The following SENP5 variants were observed in gnomAD, a reference collection of about 807,000 sequenced individuals.
SENP5 encodes the protein sentrin-specific protease 5.
SENP5 carries 21 observed loss-of-function variants against 74.2 expected under a neutral mutation model. That is an observed-to-expected ratio of 0.28 (90% confidence interval 0.20 to 0.41). The LOEUF (loss-of-function observed/expected upper bound fraction) is 0.41, where lower values mean the gene tolerates loss of function less well. Among genes scored for constraint, SENP5 ranks in the 10% least tolerant of loss-of-function variants. SENP5 has a pLI of 1.00. For missense variants in SENP5, 717 were observed against 889.1 expected (o/e 0.81, Z 2.46); for synonymous variants, 311 against 312.7 (o/e 0.99, Z 0.06).
rs955387337 is a variant in SENP5, at chr3:196,934,629, T to C, written c.*3706T>C. On this transcript the variant is annotated 3_prime_UTR_variant, in exon 10 of 10. Coordinates refer to ENST00000323460, the MANE Select transcript of SENP5 (RefSeq NM_152699.5). ...CCTGTTGGTCAGAAAAAGAATTTAT[T>C]TAGAGATTATGATCATGTAAAATTA... 1 of 152,230 alleles carries C rather than the reference T, an allele frequency of 6.6e-6. No homozygotes were observed. The highest frequency in any genetic ancestry group is 2.4e-5 in the African/African-American group (1 of 41,452). The allele number at this position is 152,230 out of a possible 1,614,324, so 9.4% of individuals were successfully genotyped here.
At chr3:196,904,639 T>C (rs1400205149) in intron 6 of SENP5, among the ~76,000 whole-genome samples, 2 of 151,866 alleles carry the variant, frequency 1.3e-5, no homozygotes, top group Non-Finnish European at 2.9e-5. Context: ...AATGCAAAAA[T>C]TAGCCGGGCT....
chr3:196,868,880 A>ATGTTTTTTTTTTTTT (rs1553816677), intron 1 of SENP5, among the ~76,000 whole-genome samples: 4 of 142,242 alleles, frequency 2.8e-5, no homozygotes, highest in South Asian at 4.3e-4. Flanking sequence ...GTTCCTACTT[A>ATGTTTTTTTTTTTTT]TGTTTTTTTT....
intron 6 of SENP5, among the ~76,000 whole-genome samples, chr3:196,912,192 A>T (rs1715162395): frequency 6.6e-6 from 1 of 152,234 alleles, no homozygotes; most frequent in Non-Finnish European, 1.5e-5. Context: ...TCAGTGATAG[A>T]CTACATAAAG....
chr3:196,869,628 C>T (rs921553549), intron 1 of SENP5, among the ~76,000 whole-genome samples: 4 of 151,504 alleles, frequency 2.6e-5, no homozygotes, highest in East Asian at 2.0e-4. Flanking sequence ...GGCGTGGTGG[C>T]GCATGCCTGT....
chr3:196,882,296 G>A (rs969814640), intron 1 of SENP5, among the ~76,000 whole-genome samples: 6 of 151,644 alleles, frequency 4.0e-5, no homozygotes, highest in African/African-American at 1.5e-4. Context: ...AAGTACATTC[G>A]CATTGCTGTG....
chr3:196,917,487 A>C (rs562264217), intron 6 of SENP5, among the ~76,000 whole-genome samples: 6 of 152,296 alleles, frequency 3.9e-5, no homozygotes, highest in Non-Finnish European at 5.9e-5. Flanking sequence ...AGAAGATTTA[A>C]CACAAATAAG....
intron 2 of SENP5, among the ~76,000 whole-genome samples, chr3:196,893,049 C>T (rs1288500757): frequency 6.6e-6 from 1 of 152,158 alleles, no homozygotes; most frequent in African/African-American, 2.4e-5. Flanking sequence ...CTTTGAAATA[C>T]ACTCAGAAAT....
chr3:196,930,385 C>T (rs1715991833), intron 9 of SENP5, among the ~76,000 whole-genome samples: 1 of 152,148 alleles, frequency 6.6e-6, no homozygotes, highest in African/African-American at 2.4e-5. Flanking sequence ...AGATCCCAAG[C>T]CATGCACTAG....
chr3:196,901,775 A>T (rs1055962298), intron 5 of SENP5, among the ~76,000 whole-genome samples: 1 of 152,246 alleles, frequency 6.6e-6, no homozygotes, highest in Admixed American at 6.5e-5. Flanking sequence ...AACAATATAG[A>T]TTATCTTTAA....
intron 7 of SENP5, among the ~76,000 whole-genome samples, chr3:196,924,836 C>T (rs1577847790): frequency 6.6e-6 from 1 of 152,052 alleles, no homozygotes; most frequent in Non-Finnish European, 1.5e-5. Flanking sequence ...ATAAAACAAC[C>T]CAAATTTAGC....
At chr3:196,925,979 C>CT (rs926838819) in intron 7 of SENP5, among the ~76,000 whole-genome samples, 1 of 152,124 alleles carries the variant, frequency 6.6e-6, no homozygotes, top group African/African-American at 2.4e-5. Flanking sequence ...AGAAGTGGCT[C>CT]TTAACTAAGG....
rs554586905 is a variant in SENP5 at position 196,933,407 on chromosome 3, A to G, written c.*2484A>G. 2 of 152,266 alleles carry G rather than the reference A, an allele frequency of 1.3e-5. No homozygotes were observed. The highest frequency in any genetic ancestry group is 4.2e-4 in the South Asian group (2 of 4,818). The allele number at this position is 152,266 out of a possible 1,614,324, so 9.4% of individuals were successfully genotyped here. ...TAATTGCTTTCCCTCTCTTCTTGTG[A>G]TTAGGTGTAAACCTCTATTTAACTC... On this transcript the variant is annotated 3_prime_UTR_variant, in exon 10 of 10. Coordinates refer to ENST00000323460, the MANE Select transcript of SENP5 (RefSeq NM_152699.5).
rs1716073316 is a variant in SENP5, at chr3:196,932,545, T to G, written c.*1622T>G. 1 of 152,094 alleles carries G rather than the reference T, an allele frequency of 6.6e-6. No individual in the cohort carries two copies. Among genetic ancestry groups the G allele is most frequent in the Non-Finnish European group, 1.5e-5 (1 of 68,034 alleles). 9.4% of individuals were successfully genotyped at this position (152,094 alleles called of 1,614,324 possible). ...CTTAATGTCAAACCAGGTCAGTGTT[T>G]CTTACTGTGTTTCAAGTCGTTAAAA... On this transcript the variant is annotated 3_prime_UTR_variant, in exon 10 of 10. Coordinates refer to ENST00000323460, the MANE Select transcript of SENP5 (RefSeq NM_152699.5).
intron 1 of SENP5, among the ~76,000 whole-genome samples, chr3:196,875,962 G>A (rs1044683193): frequency 6.6e-6 from 1 of 152,068 alleles, no homozygotes; most frequent in Admixed American, 6.6e-5. Flanking sequence ...GGGCTCAAGC[G>A]ATACTCCACC....
Position 196,931,152 on chromosome 3 carries a change from C to A in SENP5, c.*229C>A. On this transcript the variant is annotated 3_prime_UTR_variant, in exon 10 of 10. Coordinates refer to ENST00000323460, the MANE Select transcript of SENP5 (RefSeq NM_152699.5). ...TAATTTTATGGTTCTGTGCGTCCCCCATATTTAATATTTATTATTCAAACG... is the reference window on the plus strand; with the variant it reads ...TAATTTTATGGTTCTGTGCGTCCCCAATATTTAATATTTATTATTCAAACG... 1 of 475,410 alleles carries A rather than the reference C, an allele frequency of 2.1e-6. No individual in the cohort carries two copies. Among genetic ancestry groups the A allele is most frequent in the Non-Finnish European group, 3.8e-6 (1 of 263,858 alleles). The allele number at this position is 475,410 out of a possible 1,614,324, so 29.4% of individuals were successfully genotyped here.
chr3:196,887,058 T>C (rs1714005221), intron 2 of SENP5, among the ~76,000 whole-genome samples: 1 of 152,240 alleles, frequency 6.6e-6, no homozygotes, highest in Admixed American at 6.5e-5. Context: ...TTTACATTTG[T>C]TAAGCTTTGG....
At chr3:196,909,121 A>G (rs1715020578) in intron 6 of SENP5, among the ~76,000 whole-genome samples, 1 of 152,166 alleles carries the variant, frequency 6.6e-6, no homozygotes, top group Non-Finnish European at 1.5e-5. Flanking sequence ...CTATCAGAGA[A>G]TACTATAAAG....
At chr3:196,920,744 AC>A (rs2108860247) in intron 6 of SENP5, among the ~76,000 whole-genome samples, 1 of 152,296 alleles carries the variant, frequency 6.6e-6, no homozygotes, top group South Asian at 2.1e-4. Flanking sequence ...AAGCAGATGA[AC>A]CTATGGTTTT....
At position 196,902,847 on chromosome 3, in the gene SENP5, A is replaced by C. The variant is rs116455219; in HGVS notation, c.1807-686A>C. ...GCCAAGGCCTTTTTATGGTTACTGT[A>C]ACAACAGGAGTCTCTAAATCCACAT... On this transcript the variant is annotated intron_variant, in intron 5 of 9. Coordinates refer to ENST00000323460, the MANE Select transcript of SENP5 (RefSeq NM_152699.5). Among the ~76,000 whole-genome samples the C allele has an allele frequency of 4.5e-3, 679 of 152,262 alleles. 3 individuals carry two copies. Among genetic ancestry groups the C allele is most frequent in the Non-Finnish European group, 8.0e-3 (547 of 68,012 alleles).
Sources: allele counts gnomAD v4.1 joint callset (sites outside exome capture counted in the v4.1 genomes callset), GRCh38; gene constraint gnomAD v4.1.1; transcripts MANE v1.5; gene names NCBI Gene and HGNC (gene_info 2026-07-23, HGNC 2026-07-21).